RLF: variants seen among roughly 807,000 people sequenced by gnomAD.
RLF encodes zinc finger protein Rlf.
In RLF, 7 loss-of-function variants were observed where a neutral mutation model predicts 162.9. That is an observed-to-expected ratio of 0.04 (90% CI 0.02 to 0.08). The LOEUF (loss-of-function observed/expected upper bound fraction) is 0.08, where lower values mean the gene tolerates loss of function less well. RLF is among the 10% of genes least tolerant of loss of function. The pLI is 1.00. For synonymous variants in RLF, 782 were observed against 791.5 expected (o/e 0.99, Z 0.20); for missense variants, 1,664 against 2,244.7 (o/e 0.74, Z 5.23).
intron 1 of RLF, among the ~76,000 whole-genome samples, chr1:40,168,081 T>C (rs565136814): frequency 2.0e-5 from 3 of 151,696 alleles, no homozygotes; most frequent in Admixed American, 1.3e-4. Flanking sequence ...TGTGGTAATA[T>C]TAGCACACCT....
Position 40,161,674 on chromosome 1 carries a change from G to T in RLF, c.237+38G>T. 1 of 1,599,968 alleles carries T rather than the reference G, an allele frequency of 6.3e-7. No homozygotes were observed. On this transcript the variant is annotated intron_variant, in intron 1 of 7. Coordinates refer to ENST00000372771, the MANE Select transcript of RLF (RefSeq NM_012421.4). This position sits in a 1 kb window ranked among gnomAD's most constrained non-coding sequence, Gnocchi z 4.4. The stretch of plus-strand genomic sequence containing the variant: ...CTGGCTGGCTGAGGGCGGCGGGGCG[G>T]GGAAGTCAGGGAAGGAGGCCCTGGA...
intron 1 of RLF, among the ~76,000 whole-genome samples, chr1:40,177,010 C>G (rs1265357913): frequency 6.7e-6 from 1 of 148,856 alleles, no homozygotes; most frequent in Non-Finnish European, 1.5e-5. Flanking sequence ...TTTTTTGAGA[C>G]CGAGTCTCAC....
intron 6 of RLF, 146 bp from the exon 7 acceptor site, chr1:40,231,371 A>G (rs1259038368): frequency 3.3e-6 from 2 of 608,790 alleles, no homozygotes; most frequent in Non-Finnish European, 5.7e-6. Flanking sequence ...TTTGGGAGAA[A>G]GCAGTGGTGA....
Position 40,165,389 on chromosome 1 carries a change from C to T in RLF, c.237+3753C>T, listed in dbSNP as rs372687103. On this transcript the variant is annotated intron_variant, in intron 1 of 7. Transcript: ENST00000372771. ...GATGATTTTAATTTTCATTTGACTT[C>T]TCAAGATCCAATAAACGTATTAACT... is the stretch of plus-strand genomic sequence containing the variant. Among the ~76,000 whole-genome samples, 13 of 152,328 alleles carry T rather than the reference C, an allele frequency of 8.5e-5. 1 individual carries two copies. Among genetic ancestry groups the T allele is most frequent in the East Asian group, 3.9e-4 (2 of 5,190 alleles).
chr1:40,205,492 T>C (rs982324673), intron 5 of RLF, among the ~76,000 whole-genome samples: 3 of 144,716 alleles, frequency 2.1e-5, no homozygotes, highest in Non-Finnish European at 4.6e-5. Flanking sequence ...CTTCTTTTTT[T>C]TTTTTTTTTT....
intron 1 of RLF, among the ~76,000 whole-genome samples, chr1:40,176,653 G>T (rs2124528071): frequency 6.6e-6 from 1 of 152,182 alleles, no homozygotes; most frequent in Admixed American, 6.5e-5. Context: ...ACATTGCCCA[G>T]ATTGGTCTCA....
chr1:40,239,866 A>G lies in RLF; in HGVS notation c.5164A>G (p.Arg1722Gly), dbSNP rs1401033555. 1.9e-6 allele frequency: 3 copies of G among 1,613,846 alleles called. No homozygotes were observed. The African/African-American group carries it at 4.0e-5, about 22-fold the overall frequency. ...CACAAGTTTCCAGCTGCCTTTACCA[A>G]GGATCAAAGAATCAGAAACTAGGCA... The part of the protein sequence containing the change: ...YFTSFQLPLP[R>G]IKESETRQHS... Residue 1722 changes from arginine to glycine, a missense_variant, in exon 8 of 8, where the codon AGG becomes GGG. By Grantham distance (125) the Arg-to-Gly change is moderately radical. Around this residue, in one of 15 missense-constraint regions of RLF, gnomAD observed 327 missense variants for 342.7 expected, o/e 0.95. Transcript: ENST00000372771.
chr1:40,166,693 T>C (rs944156289), intron 1 of RLF, among the ~76,000 whole-genome samples: 1 of 152,056 alleles, frequency 6.6e-6, no homozygotes, highest in Non-Finnish European at 1.5e-5. Context: ...GATGAGTTCA[T>C]GTCCTTTGTA....
chr1:40,218,526 C>T (rs1286181651), intron 5 of RLF, among the ~76,000 whole-genome samples: 1 of 152,198 alleles, frequency 6.6e-6, no homozygotes, highest in Non-Finnish European at 1.5e-5. Context: ...GCCGTTACAT[C>T]AGATAACCTT....
intron 5 of RLF, among the ~76,000 whole-genome samples, chr1:40,203,213 C>G (rs1310196182): frequency 6.8e-6 from 1 of 147,908 alleles, no homozygotes; most frequent in East Asian, 2.0e-4. Flanking sequence ...CTCCCGGGTT[C>G]AAGTGATTCT....
At chr1:40,195,856 ATATCTAGTCTTTC>A in intron 4 of RLF, 92 bp downstream of exon 4, 1 of 1,105,256 alleles carries the variant, frequency 9.0e-7, no homozygotes, top group Non-Finnish European at 1.3e-6. Flanking sequence ...ACTTGTGTAT[ATATCTAGTCTTTC>A]TGTTTTTACT....
intron 6 of RLF, among the ~76,000 whole-genome samples, chr1:40,224,622 G>GTT (rs1557757506): frequency 1.3e-3 from 17 of 13,494 alleles, no homozygotes; most frequent in East Asian, 4.3e-3. Flanking sequence ...GTTTTTGAAA[G>GTT]CTTTTTTTTT....
intron 1 of RLF, among the ~76,000 whole-genome samples, chr1:40,187,134 C>T (rs1433452814): frequency 6.6e-6 from 1 of 151,844 alleles, no homozygotes; most frequent in South Asian, 2.1e-4. Flanking sequence ...CAGGTTCAAG[C>T]GATTTTCCTG....
chr1:40,202,808 T>TGAATTTGAAAA (rs1237637354), intron 5 of RLF, among the ~76,000 whole-genome samples, 194 bp downstream of exon 5: 25 of 152,328 alleles, frequency 1.6e-4, no homozygotes, highest in African/African-American at 5.8e-4. Context: ...ATTTGAAAAG[T>TGAATTTGAAAA]AGATAACTAA....
intron 1 of RLF, among the ~76,000 whole-genome samples, chr1:40,166,199 A>G (rs750040230): frequency 4.6e-5 from 7 of 152,108 alleles, no homozygotes; most frequent in Non-Finnish European, 7.3e-5. Flanking sequence ...AGCAATTAGT[A>G]TGATGCCTGG....
At position 40,189,144 on chromosome 1, in the gene RLF, C is replaced by T. The variant is rs750649130; in HGVS notation, c.327C>T (p.Ala109=). ...EVYRLAIQSF[A]SARPYLTTEC... ...ATCGACTTGCCATCCAAAGCTTTGC[C>T]AGTGCACGTCCATACTTAACTACTG... The change falls in exon 2 of 8, where the codon GCC becomes GCT. Residue 109 remains alanine (A), a synonymous_variant. Coordinates refer to ENST00000372771, the MANE Select transcript of RLF (RefSeq NM_012421.4). 1.2e-6 allele frequency: 2 copies of T among 1,613,652 alleles called. No homozygotes were observed. The highest frequency in any genetic ancestry group is 1.7e-6 in the Non-Finnish European group (2 of 1,179,740).
At chr1:40,198,304 T>A (rs2124540216) in intron 4 of RLF, among the ~76,000 whole-genome samples, 1 of 139,320 alleles carries the variant, frequency 7.2e-6, no homozygotes, top group East Asian at 2.0e-4. Context: ...CCGGCCTCTT[T>A]TTTTTTTTTT....
At chr1:40,196,067 ACTTTT>A (rs777979934) in intron 4 of RLF, among the ~76,000 whole-genome samples, 17 of 150,564 alleles carry the variant, frequency 1.1e-4, no homozygotes, top group Admixed American at 2.0e-4. Flanking sequence ...CTTTGCTTAT[ACTTTT>A]CTTTTCTTTT....
intron 1 of RLF, among the ~76,000 whole-genome samples, chr1:40,170,453 G>A (rs951416611): frequency 6.6e-6 from 1 of 152,058 alleles, no homozygotes; most frequent in African/African-American, 2.4e-5. Flanking sequence ...TAGAGATAGG[G>A]TTTCGCCACG....
Sources: allele counts gnomAD v4.1 joint callset (sites outside exome capture counted in the v4.1 genomes callset), GRCh38; gene constraint gnomAD v4.1.1; regional missense constraint gnomAD v4.1.1; non-coding constraint Gnocchi (gnomAD v3.1); transcripts MANE v1.5; gene names NCBI Gene and HGNC (gene_info 2026-07-23, HGNC 2026-07-21).